The following STPG1 variants were observed in gnomAD, a reference collection of about 807,000 sequenced individuals.
STPG1 encodes sperm tail PG-rich repeat containing 1, also known as O(6)-methylguanine-induced apoptosis 2.
STPG1 carries 33 observed loss-of-function variants against 40.1 expected under a neutral mutation model. The ratio of observed to expected loss-of-function variants is 0.82; its 90% confidence interval spans 0.62 to 1.10. The LOEUF (loss-of-function observed/expected upper bound fraction) is 1.10, where lower values mean the gene tolerates loss of function less well. STPG1 is among the 50% of genes least tolerant of loss of function. The probability of loss-of-function intolerance (pLI) is 0.00; values close to 1 mark genes in which losing one functional copy is unlikely to be tolerated. For synonymous variants in STPG1, 150 were observed against 155.0 expected (o/e 0.97, Z 0.24); for missense variants, 396 against 415.1 (o/e 0.95, Z 0.40).
chr1:24,369,923 T>A, intron 6 of STPG1, 84 bp from the exon 7 acceptor site: 1 of 1,243,642 alleles, frequency 8.0e-7, no homozygotes, highest in Non-Finnish European at 1.1e-6. Flanking sequence ...AGAACACACC[T>A]GATGGCTGCA....
chr1:24,391,876 T>G lies in STPG1; in HGVS notation c.71-197A>C, dbSNP rs1016372147. ...TTTCCCTCTCGGCAATTTATCGGACTTCCCCCCTCCAGCTCTTAAATTAGT... is the reference window on the plus strand; with the variant it reads ...TTTCCCTCTCGGCAATTTATCGGACGTCCCCCCTCCAGCTCTTAAATTAGT... On this transcript the variant is annotated intron_variant, in intron 2 of 8. Coordinates refer to ENST00000337248, the MANE Select transcript of STPG1 (RefSeq NM_001199013.2). 17 of 1,319,220 alleles carry G rather than the reference T, an allele frequency of 1.3e-5. No individual in the cohort carries two copies. In the African/African-American group the frequency reaches 1.4e-4, roughly 11 times the overall value. The allele number at this position is 1,319,220 out of a possible 1,614,324, so 81.7% of individuals were successfully genotyped here. A position where few individuals can be genotyped will look rare whatever the true frequency, so the allele number is the denominator to read the frequency against.
intron 8 of STPG1, among the ~76,000 whole-genome samples, chr1:24,358,903 G>A (rs1640903730): frequency 6.6e-6 from 1 of 152,202 alleles, no homozygotes. Flanking sequence ...AAGAAATTGA[G>A]TAAAGCAATA....
intron 7 of STPG1, among the ~76,000 whole-genome samples, chr1:24,365,706 A>T (rs1041188128): frequency 6.6e-6 from 1 of 152,220 alleles, no homozygotes; most frequent in African/African-American, 2.4e-5. Context: ...ACAAGTTACC[A>T]TGTGAATTTT....
intron 7 of STPG1, chr1:24,364,246 T>C (rs1437522091): frequency 1.9e-6 from 3 of 1,548,624 alleles, no homozygotes; most frequent in Non-Finnish European, 2.6e-6. Context: ...TCTTGAATGT[T>C]CCCATCCTGT....
In STPG1 at chr1:24,383,962, CT is replaced by C; in HGVS notation, c.230del (p.Gln77ArgfsTer64). 6.2e-7 allele frequency: 1 copy of C among 1,614,042 alleles called. No homozygotes were observed. Among genetic ancestry groups the C allele is most frequent in the Non-Finnish European group, 8.5e-7 (1 of 1,179,890 alleles). ...ATGAGACACTGTTGGACACCGGTGACTGGTGAATAACATTGTAGAACCCAGG... is the reference window on the plus strand; with the variant it reads ...ATGAGACACTGTTGGACACCGGTGACGGTGAATAACATTGTAGAACCCAGG... ...PGPGFYNVIHQSPVSNSVSLS... is the reference protein window; with the variant it reads ...PGPGFYNVIHXSPVSNSVSLS... On this transcript the variant is annotated frameshift_variant, in exon 4 of 9. Transcript: ENST00000337248. LOFTEE classifies it high-confidence loss of function.
chr1:24,402,563 A>G (rs1229261435), intron 1 of STPG1, among the ~76,000 whole-genome samples: 2 of 152,034 alleles, frequency 1.3e-5, no homozygotes, highest in Non-Finnish European at 2.9e-5. Context: ...GGAGTTTGAG[A>G]CTAGCCTAAG....
intron 7 of STPG1, among the ~76,000 whole-genome samples, chr1:24,365,395 C>G (rs1641390137): frequency 6.6e-6 from 1 of 152,218 alleles, no homozygotes; most frequent in Non-Finnish European, 1.5e-5. Flanking sequence ...AACTCTCACC[C>G]TGACTCACCC....
In STPG1 at chr1:24,357,952, G is replaced by T. The variant is rs967453967; in HGVS notation, c.*591C>A. 1 of 344,696 alleles carries T rather than the reference G, an allele frequency of 2.9e-6. No homozygotes were observed. Among genetic ancestry groups the T allele is most frequent in the Non-Finnish European group, 5.8e-6 (1 of 173,910 alleles). The allele number at this position is 344,696 out of a possible 1,614,324, so 21.4% of individuals were successfully genotyped here. On this transcript the variant is annotated 3_prime_UTR_variant, in exon 9 of 9. Coordinates refer to ENST00000337248, the MANE Select transcript of STPG1 (RefSeq NM_001199013.2). ...GAGAAAAAGGTCTAAAAGGAGTAAA[G>T]AGAGGTCTTTCCAAACAGGTGGTCA...
intron 1 of STPG1, chr1:24,411,685 T>C (rs192379006): frequency 1.3e-5 from 2 of 152,306 alleles, no homozygotes; most frequent in African/African-American, 2.4e-5. Context: ...TCAAGTGATC[T>C]TCTCACCTCA....
chr1:24,402,011 C>T (rs1256930759), intron 1 of STPG1, among the ~76,000 whole-genome samples: 2 of 152,102 alleles, frequency 1.3e-5, no homozygotes, highest in African/African-American at 4.8e-5. Context: ...TTTAGCTTTA[C>T]TGAGACATAA....
At chr1:24,383,492 C>A (rs187232622) in intron 4 of STPG1, among the ~76,000 whole-genome samples, 51 of 152,254 alleles carry the variant, frequency 3.3e-4, no homozygotes, top group Admixed American at 2.0e-3. Flanking sequence ...TGCCGGCTTT[C>A]TTTTTAGTCC....
chr1:24,360,767 A>G, intron 8 of STPG1, 84 bp downstream of exon 8: 1 of 1,274,392 alleles, frequency 7.8e-7, no homozygotes, highest in South Asian at 1.5e-5. Context: ...AACAACCTAT[A>G]AATCAATGGC....
intron 7 of STPG1, among the ~76,000 whole-genome samples, chr1:24,363,504 C>CA (rs1283696133): frequency 6.6e-6 from 1 of 152,188 alleles, no homozygotes; most frequent in Non-Finnish European, 1.5e-5. Flanking sequence ...TTTGAATCCC[C>CA]ACTTCCCCGT....
rs1142057 is a variant in STPG1 at position 24,379,802 on chromosome 1, T to C, written c.313A>G (p.Ile105Val). The change falls in exon 5 of 9, where the codon ATT (isoleucine) becomes GTT (valine). Residue 105 changes from isoleucine to valine, a missense_variant. Ile to Val is a conservative substitution (Grantham distance 29). Coordinates refer to ENST00000337248, the MANE Select transcript of STPG1 (RefSeq NM_001199013.2). ...PSMCARLDTI[I>V]SKYPAANAYT... ...GCATTCGCTGCAGGGTATTTAGAAA[T>C]GATGGTGTCCAATCGGGCGCACTGT... is the stretch of plus-strand genomic sequence containing the variant. The C allele has an allele frequency of 0.34, 554,922 of 1,610,000 alleles. 97,147 individuals are homozygous for C. Among genetic ancestry groups the C allele is most frequent in the East Asian group, 0.46 (20,510 of 44,840 alleles).
intron 1 of STPG1, among the ~76,000 whole-genome samples, chr1:24,402,705 C>T (rs116179297): frequency 0.023 from 3,443 of 149,314 alleles, 137 homozygotes; most frequent in African/African-American, 0.081. Context: ...ATGACAGCAC[C>T]ACTGCACTCC....
intron 5 of STPG1, among the ~76,000 whole-genome samples, chr1:24,374,280 A>G (rs1246829731): frequency 1.9e-5 from 2 of 105,264 alleles, no homozygotes; most frequent in African/African-American, 3.8e-5. Context: ...TTTTTCTGAG[A>G]CAGAGTCTTG....
chr1:24,408,869 T>C (rs1643508536), intron 1 of STPG1, among the ~76,000 whole-genome samples: 1 of 152,228 alleles, frequency 6.6e-6, no homozygotes, highest in Non-Finnish European at 1.5e-5. Flanking sequence ...CATGCAGTAT[T>C]TTTCCTTACT....
chr1:24,391,954 G>C, intron 2 of STPG1: 1 of 1,129,696 alleles, frequency 8.9e-7, no homozygotes, highest in Non-Finnish European at 1.1e-6. Flanking sequence ...GAAAAGGAAG[G>C]AGATGATAGT....
At chr1:24,367,107 C>T (rs1013601982) in intron 7 of STPG1, among the ~76,000 whole-genome samples, 1 of 152,248 alleles carries the variant, frequency 6.6e-6, no homozygotes, top group Non-Finnish European at 1.5e-5. Flanking sequence ...CATGGCCATA[C>T]ACCCCTGGGG....
Sources: allele counts gnomAD v4.1 joint callset (sites outside exome capture counted in the v4.1 genomes callset), GRCh38; gene constraint gnomAD v4.1.1; transcripts MANE v1.5; gene names NCBI Gene and HGNC (gene_info 2026-07-23, HGNC 2026-07-21).